The following RNF14 variants were observed in gnomAD, a reference collection of about 807,000 sequenced individuals.
RNF14 encodes E3 ubiquitin-protein ligase RNF14.
A neutral mutation model predicts 52.6 loss-of-function variants in RNF14; 26 were observed. The observed-to-expected ratio is 0.49, with a 90% CI of 0.36 to 0.69. The LOEUF (loss-of-function observed/expected upper bound fraction) is 0.69, where lower values mean the gene tolerates loss of function less well. RNF14 is among the 30% of genes least tolerant of loss of function. RNF14 has a pLI of 0.00. For synonymous variants in RNF14, 194 were observed against 202.0 expected (o/e 0.96, Z 0.34); for missense variants, 404 against 560.4 (o/e 0.72, Z 2.82).
intron 2 of RNF14, among the ~76,000 whole-genome samples, 152 bp downstream of exon 2, chr5:141,971,029 A>T (rs765350607): frequency 3.3e-5 from 5 of 152,234 alleles, no homozygotes; most frequent in Non-Finnish European, 5.9e-5. Flanking sequence ...AAATGTAAAA[A>T]ATCCTAACTT....
chr5:141,955,545 G>A (rs571397460), upstream of RNF14: 1 of 1,614,208 alleles, frequency 6.2e-7, no homozygotes, highest in Non-Finnish European at 8.5e-7. The surrounding 1 kb of genome is among the most constrained non-coding windows in gnomAD (Gnocchi z 5.5). Flanking sequence ...CCTTCTGAAT[G>A]TGTTTCTGGG....
At chr5:141,961,072 G>A (rs934557135) in intron 1 of RNF14, among the ~76,000 whole-genome samples, 3 of 152,194 alleles carry the variant, frequency 2.0e-5, no homozygotes, top group African/African-American at 4.8e-5. Context: ...TCTCTTAATG[G>A]AAAACCTAAC....
chr5:141,964,883 T>C (rs1160109650), upstream of RNF14, among the ~76,000 whole-genome samples: 1 of 150,714 alleles, frequency 6.6e-6, no homozygotes, highest in Non-Finnish European at 1.5e-5. Flanking sequence ...TGCCTCGGCC[T>C]CCCAAAGGGC....
Position 141,988,650 on chromosome 5 carries a change from C to A in RNF14, c.*860C>A, listed in dbSNP as rs1163561874. On this transcript the variant is annotated 3_prime_UTR_variant, in exon 9 of 9. Transcript: ENST00000394520. ...ATGATTTTAATATTAATTCCAGGAA[C>A]ACATGTTTTTATTTCCTCTGCTGGA... 4 of 152,288 alleles carry A rather than the reference C, an allele frequency of 2.6e-5. No individual in the cohort carries two copies. The highest frequency in any genetic ancestry group is 9.7e-5 in the African/African-American group (4 of 41,432). 9.4% of individuals were successfully genotyped at this position (152,288 alleles called of 1,614,324 possible). A position where few individuals can be genotyped will look rare whatever the true frequency, so the allele number is the denominator to read the frequency against.
chr5:141,955,020 G>C, upstream of RNF14: 3 of 1,614,164 alleles, frequency 1.9e-6, no homozygotes, highest in Non-Finnish European at 2.5e-6. The surrounding 1 kb of genome is among the most constrained non-coding windows in gnomAD (Gnocchi z 5.5). Flanking sequence ...GGTTCCGCTC[G>C]GCGAAGGCAG....
rs898134216 is a variant in RNF14 at position 141,980,264 on chromosome 5, A to G, written c.976A>G (p.Met326Val). 2.5e-6 allele frequency: 4 copies of G among 1,614,112 alleles called. No homozygotes were observed. In the African/African-American group the frequency reaches 4.0e-5, roughly 16 times the overall value. ...LPVMQEPGCT[M>V]GICSSCNFAF... ...TGTGATGCAGGAACCTGGCTGCACC[A>G]TGGGTATCTGCTCCAGCTGCAATTT... The change falls in exon 6 of 9, where the codon ATG (methionine) becomes GTG (valine). Residue 326 changes from methionine (M) to valine (V), a missense_variant. Transcript: ENST00000394520.
chr5:141,986,812 G>T (rs1239220432), intron 8 of RNF14, among the ~76,000 whole-genome samples: 2 of 152,212 alleles, frequency 1.3e-5, no homozygotes, highest in Admixed American at 1.3e-4. Flanking sequence ...TATTCAGTAA[G>T]GTATAGGAGG....
chr5:141,970,208 TTTAGAATAAAA>T (rs1753621757), intron 1 of RNF14, among the ~76,000 whole-genome samples: 2 of 152,196 alleles, frequency 1.3e-5, no homozygotes, highest in African/African-American at 4.8e-5. Flanking sequence ...CTCTAAAGCA[TTTAGAATAAAA>T]CTTAAAAGTT....
the RNF14 span, chr5:141,949,587 C>T: frequency 1.2e-6 from 2 of 1,612,348 alleles, no homozygotes; most frequent in Admixed American, 3.4e-5. Flanking sequence ...TGCACTCCTG[C>T]AAAAGAAACC....
At chr5:141,951,620 A>ACACAATTCCGACTCAG in the RNF14 span, 1 of 1,512,238 alleles carries the variant, frequency 6.6e-7, no homozygotes, top group Non-Finnish European at 9.2e-7. Flanking sequence ...TGTTGACTCC[A>ACACAATTCCGACTCAG]CACAATTCCG....
upstream of RNF14, chr5:141,954,892 G>A: frequency 6.6e-7 from 1 of 1,505,310 alleles, no homozygotes; most frequent in East Asian, 2.3e-5. Context: ...CATGAGGACT[G>A]TGCAGGTTAT....
upstream of RNF14, among the ~76,000 whole-genome samples, chr5:141,962,875 AT>A (rs1753286176): frequency 6.6e-6 from 1 of 152,082 alleles, no homozygotes; most frequent in Admixed American, 6.6e-5. Context: ...TGGTGTACAG[AT>A]TTCAATTTTG....
At chr5:141,962,424 G>T (rs1753281770), upstream of RNF14, among the ~76,000 whole-genome samples, 3 of 152,216 alleles carry the variant, frequency 2.0e-5, no homozygotes, top group African/African-American at 7.2e-5. Flanking sequence ...CCCTTTCCCA[G>T]AATACTGCCA....
In RNF14 at chr5:141,989,089, T is replaced by C. The variant is rs1370826248; in HGVS notation, c.*1299T>C. 1 of 152,292 alleles carries C rather than the reference T, an allele frequency of 6.6e-6. No homozygotes were observed. Among genetic ancestry groups the C allele is most frequent in the Admixed American group, 6.5e-5 (1 of 15,268 alleles). 9.4% of individuals were successfully genotyped at this position (152,292 alleles called of 1,614,324 possible). ...AGGAATCACTTTTAACTGTTTTAGG[T>C]GTGTGTGTCCAGAGTGAGCAAGGAT... On this transcript the variant is annotated 3_prime_UTR_variant, in exon 9 of 9. Transcript: ENST00000394520.
At chr5:141,987,677 C>G (rs1293260201) in intron 8 of RNF14, 56 bp from the exon 9 acceptor site, 1 of 1,522,170 alleles carries the variant, frequency 6.6e-7, no homozygotes, top group African/African-American at 1.4e-5. Flanking sequence ...AGCGGAGAGG[C>G]AATTTATATT....
chr5:141,981,959 A>G (rs1159803694), intron 6 of RNF14, among the ~76,000 whole-genome samples: 2 of 152,202 alleles, frequency 1.3e-5, no homozygotes, highest in African/African-American at 2.4e-5. Flanking sequence ...AGAAAGTACC[A>G]TGAGAGGAAA....
the RNF14 span, chr5:141,949,519 C>A: frequency 6.2e-7 from 1 of 1,614,216 alleles, no homozygotes. Context: ...GGCCCTTCCT[C>A]CTGTTCTGGG....
At chr5:141,952,946 A>T in the RNF14 span, 1 of 152,270 alleles carries the variant, frequency 6.6e-6, no homozygotes, top group African/African-American at 2.4e-5. Flanking sequence ...GAGTTGGAAG[A>T]GGAGATGGCC....
intron 4 of RNF14, among the ~76,000 whole-genome samples, chr5:141,977,971 G>A (rs986267768): frequency 6.6e-6 from 1 of 152,310 alleles, no homozygotes; most frequent in Non-Finnish European, 1.5e-5. Context: ...AGTACTAAAA[G>A]ATTAAAGAAC....
Sources: gnomAD v4.1 joint callset for allele counts (sites outside exome capture counted in the v4.1 genomes callset) on GRCh38, gnomAD v4.1.1 for gene constraint, Gnocchi (gnomAD v3.1) non-coding constraint, MANE v1.5 for transcripts, NCBI Gene and HGNC (gene_info 2026-07-23, HGNC 2026-07-21) for gene names.